The following MINK1 variants were observed in gnomAD, a reference collection of about 807,000 sequenced individuals.
The protein encoded by MINK1 is misshapen like kinase 1.
A neutral mutation model predicts 178.4 loss-of-function variants in MINK1; 46 were observed. The ratio of observed to expected loss-of-function variants is 0.26; its 90% CI spans 0.20 to 0.33. The LOEUF (loss-of-function observed/expected upper bound fraction) is 0.33. MINK1 is among the 10% of genes least tolerant of loss of function. The pLI is 1.00. For missense variants in MINK1, 1,366 were observed against 1,814.9 expected (o/e 0.75, Z 4.49); for synonymous variants, 797 against 709.7 (o/e 1.12, Z -1.96).
chr17:4,886,878 T>G lies in MINK1; in HGVS notation c.950-232T>G, dbSNP rs577357227. On this transcript the variant is annotated intron_variant, in intron 10 of 31. Coordinates refer to ENST00000355280, the MANE Select transcript of MINK1 (RefSeq NM_153827.5). The surrounding 1 kb of genome is among the most constrained non-coding windows in gnomAD (Gnocchi z 6.1). ...AAAAACTCCATGCTAAGCACATGTG[T>G]GTGCGAGCACAAGCACAGGCTCTGC... Among the ~76,000 whole-genome samples the G allele has an allele frequency of 1.3e-5, 2 of 152,358 alleles. No homozygotes were observed. Among genetic ancestry groups the G allele is most frequent in the East Asian group, 3.9e-4 (2 of 5,184 alleles).
rs1968147731 is a variant in MINK1, at chr17:4,885,797, G to C, written c.640-114G>C. 7.1e-7 allele frequency: 1 copy of C among 1,417,468 alleles called. No individual in the cohort carries two copies. The highest frequency in any genetic ancestry group is 1.4e-5 in the African/African-American group (1 of 70,980). The allele number at this position is 1,417,468 out of a possible 1,614,324, so 87.8% of individuals were successfully genotyped here. A position where few individuals can be genotyped will look rare whatever the true frequency, so the allele number is the denominator to read the frequency against. On this transcript the variant is annotated intron_variant, in intron 7 of 31. Coordinates refer to ENST00000355280, the MANE Select transcript of MINK1 (RefSeq NM_153827.5). This position sits in a 1 kb window ranked among gnomAD's most constrained non-coding sequence, Gnocchi z 5.0. ...ATGGGATGGGTTGGAAGGCACTGCTGCAGGAATGGGTGTGGCCCAGGAAGG... is the reference window on the plus strand; with the variant it reads ...ATGGGATGGGTTGGAAGGCACTGCTCCAGGAATGGGTGTGGCCCAGGAAGG...
chr17:4,881,230 C>G lies in MINK1; in HGVS notation c.279C>G (p.Ser93Arg). 4 of 1,537,100 alleles carry G rather than the reference C, an allele frequency of 2.6e-6. No individual in the cohort carries two copies. Among genetic ancestry groups the G allele is most frequent in the Non-Finnish European group, 3.5e-6 (4 of 1,146,802 alleles). Residue 93 changes from serine (S) to arginine (R), a missense_variant, in exon 4 of 32, where the codon AGC (serine) becomes AGG (arginine). By Grantham distance (110) the Ser-to-Arg change is moderately radical. Transcript: ENST00000355280. ...ACTACGGAGCCTTCATCAAGAAGAG[C>G]CCCCCGGGAAACGATGACCAGCTCT... Reference protein sequence around the residue: ...ATYYGAFIKKSPPGNDDQLWL... With the variant: ...ATYYGAFIKKRPPGNDDQLWL...
chr17:4,895,236 C>T lies in MINK1; in HGVS notation c.3079C>T (p.Leu1027Phe), dbSNP rs769365658. 6.2e-7 allele frequency: 1 copy of T among 1,614,122 alleles called. No homozygotes were observed. The highest frequency in any genetic ancestry group is 1.7e-5 in the Admixed American group (1 of 60,010). Residue 1027 changes from leucine to phenylalanine, a missense_variant, in exon 25 of 32, where the codon CTT (leucine) becomes TTT (phenylalanine). Coordinates refer to ENST00000355280, the MANE Select transcript of MINK1 (RefSeq NM_153827.5). This position sits in a 1 kb window ranked among gnomAD's most constrained non-coding sequence, Gnocchi z 4.3. ...RFNSEILCAA[L>F]WGVNLLVGTE... ...CAACTCCGAGATCCTCTGTGCAGCC[C>T]TTTGGGGTAAGCCAGGGCAGGGACA...
rs1226890356 is a variant in MINK1 at position 4,895,891 on chromosome 17, C to CG, written c.3364+59_3364+60insG. 3 of 1,590,852 alleles carry CG rather than the reference C, an allele frequency of 1.9e-6. No individual in the cohort carries two copies. Among genetic ancestry groups the CG allele is most frequent in the Non-Finnish European group, 2.6e-6 (3 of 1,167,112 alleles). ...CTTGTTCATGAAGAGAGAAATGGATCTGGGAGCCAGGGACTTGGGGCCTGG... is the reference window on the plus strand; with the variant it reads ...CTTGTTCATGAAGAGAGAAATGGATCGTGGGAGCCAGGGACTTGGGGCCTGG... On this transcript the variant is annotated intron_variant, in intron 27 of 31. Coordinates refer to ENST00000355280, the MANE Select transcript of MINK1 (RefSeq NM_153827.5). This position sits in a 1 kb window ranked among gnomAD's most constrained non-coding sequence, Gnocchi z 4.3.
chr17:4,834,488 G>A (rs1285461054), intron 1 of MINK1, among the ~76,000 whole-genome samples: 1 of 152,216 alleles, frequency 6.6e-6, no homozygotes, highest in Non-Finnish European at 1.5e-5. Context: ...AAGCAATGGA[G>A]ACCTCTCAAG....
chr17:4,887,515 C>A lies in MINK1; in HGVS notation c.1020-65C>A. The A allele has an allele frequency of 7.1e-7, 1 of 1,399,364 alleles. No individual in the cohort carries two copies. Among genetic ancestry groups the A allele is most frequent in the African/African-American group, 1.5e-5 (1 of 68,648 alleles). The allele number at this position is 1,399,364 out of a possible 1,614,324, so 86.7% of individuals were successfully genotyped here. On this transcript the variant is annotated intron_variant, in intron 11 of 31. Coordinates refer to ENST00000355280, the MANE Select transcript of MINK1 (RefSeq NM_153827.5). This position sits in a 1 kb window ranked among gnomAD's most constrained non-coding sequence, Gnocchi z 7.6. ...TAAAGCACCCACTCAGGCGGGCCCACGGGGTTGAGAGTGGGAACCAACAGG... is the reference window on the plus strand; with the variant it reads ...TAAAGCACCCACTCAGGCGGGCCCAAGGGGTTGAGAGTGGGAACCAACAGG...
chr17:4,891,226 C>CACACA, intron 15 of MINK1, 102 bp downstream of exon 15: 1 of 848,260 alleles, frequency 1.2e-6, no homozygotes, highest in African/African-American at 2.0e-5. Context: ...ACACACACAC[C>CACACA]TGCTCAGCCG....
In MINK1 at chr17:4,887,062, C is replaced by T. The variant is rs1192238800; in HGVS notation, c.950-48C>T. The T allele has an allele frequency of 2.3e-5, 36 of 1,541,396 alleles. No individual in the cohort carries two copies. Among genetic ancestry groups the T allele is most frequent in the Admixed American group, 9.8e-5 (5 of 51,208 alleles). ...CACCCAAGGTTTCCCTAGCCCACGG[C>T]GGGTCTGGGGCGCTGGGTGAGATAA... On this transcript the variant is annotated intron_variant, in intron 10 of 31. Transcript: ENST00000355280. This position sits in a 1 kb window ranked among gnomAD's most constrained non-coding sequence, Gnocchi z 7.6.
chr17:4,893,266 T>C (rs1254728148), intron 20 of MINK1, 168 bp from the exon 21 acceptor site: 10 of 1,613,360 alleles, frequency 6.2e-6, no homozygotes, highest in Admixed American at 1.7e-5. Flanking sequence ...GGCTCTTTCT[T>C]CCCCTGCGGC....
intron 1 of MINK1, among the ~76,000 whole-genome samples, chr17:4,843,446 C>G (rs892398513): frequency 1.3e-5 from 2 of 151,418 alleles, no homozygotes; most frequent in Admixed American, 6.6e-5. Flanking sequence ...TCACTGCACT[C>G]CAGCCTGGGC....
intron 1 of MINK1, among the ~76,000 whole-genome samples, chr17:4,845,912 G>C (rs995204920): frequency 6.6e-6 from 1 of 152,256 alleles, no homozygotes; most frequent in African/African-American, 2.4e-5. Flanking sequence ...AAAGTGCTGA[G>C]ATTGCAGGCG....
At chr17:4,865,876 CAG>C (rs1914887727) in intron 1 of MINK1, among the ~76,000 whole-genome samples, 1 of 150,642 alleles carries the variant, frequency 6.6e-6, no homozygotes, top group South Asian at 2.1e-4. Context: ...GCCTAGGTGA[CAG>C]AGTGAGAACC....
rs764333764 is a variant in MINK1, at chr17:4,895,859, G to T, written c.3364+27G>T. ...TGAGGATGTCCCAACAGAGTGGCCAGCGCATACTTGTTCATGAAGAGAGAA... is the reference window on the plus strand; with the variant it reads ...TGAGGATGTCCCAACAGAGTGGCCATCGCATACTTGTTCATGAAGAGAGAA... On this transcript the variant is annotated intron_variant, in intron 27 of 31. Transcript: ENST00000355280. The surrounding 1 kb of genome is among the most constrained non-coding windows in gnomAD (Gnocchi z 4.3). The T allele has an allele frequency of 6.2e-7, 1 of 1,608,722 alleles. No homozygotes were observed. Among genetic ancestry groups the T allele is most frequent in the Non-Finnish European group, 8.5e-7 (1 of 1,176,636 alleles).
intron 1 of MINK1, among the ~76,000 whole-genome samples, chr17:4,847,823 T>C (rs937336716): frequency 1.3e-5 from 2 of 152,004 alleles, no homozygotes; most frequent in East Asian, 1.9e-4. Context: ...TTGGGCGCAG[T>C]GTTGGAGTGT....
In MINK1 at chr17:4,893,015, C is replaced by A; in HGVS notation, c.2348C>A (p.Pro783His). 6.3e-7 allele frequency: 1 copy of A among 1,580,622 alleles called. No individual in the cohort carries two copies. Among genetic ancestry groups the A allele is most frequent in the East Asian group, 2.4e-5 (1 of 42,164 alleles). ...CCGGACAGCTCCCCTGTGCTCTCCC[C>A]TGGGAATAAAGCCAAGCCCGACGAC... Reference protein sequence around the residue: ...SKPDSSPVLSPGNKAKPDDHR... With the variant: ...SKPDSSPVLSHGNKAKPDDHR... Residue 783 changes from proline (P) to histidine (H), a missense_variant, in exon 20 of 32, where the codon CCT (proline) becomes CAT (histidine). Physicochemically the swap from Pro to His is moderately conservative, Grantham distance 77. Coordinates refer to ENST00000355280, the MANE Select transcript of MINK1 (RefSeq NM_153827.5).
At chr17:4,892,554 T>C (rs1201363017) in intron 18 of MINK1, 42 bp downstream of exon 18, 2 of 1,539,310 alleles carry the variant, frequency 1.3e-6, no homozygotes, top group Non-Finnish European at 1.8e-6. Context: ...CTCTCACTTC[T>C]GCCACCCGCT....
intron 1 of MINK1, among the ~76,000 whole-genome samples, chr17:4,869,577 A>AT (rs1429722584): frequency 2.0e-5 from 3 of 151,612 alleles, no homozygotes; most frequent in Non-Finnish European, 4.4e-5. Context: ...GTACCTGACG[A>AT]TTTTTTCTCT....
chr17:4,896,615 A>C lies in MINK1; in HGVS notation c.3775+27A>C, dbSNP rs765081830. 1.1e-5 allele frequency: 18 copies of C among 1,612,806 alleles called. No homozygotes were observed. The highest frequency in any genetic ancestry group is 1.3e-5 in the African/African-American group (1 of 74,902). On this transcript the variant is annotated intron_variant, in intron 30 of 31. Transcript: ENST00000355280. The surrounding 1 kb of genome is among the most constrained non-coding windows in gnomAD (Gnocchi z 4.6). ...TGAGTGAGCTGCCGCCCTCCCAGCC[A>C]CATGCCCCGAGGTGGCCCCGGGGTG...
chr17:4,873,649 C>A (rs1386984259), intron 1 of MINK1, among the ~76,000 whole-genome samples: 1 of 133,434 alleles, frequency 7.5e-6, no homozygotes, highest in Non-Finnish European at 1.6e-5. Flanking sequence ...GAAGGCGTCT[C>A]ACTCTTTCAC....
Sources: gnomAD v4.1 joint callset for allele counts (sites outside exome capture counted in the v4.1 genomes callset) on GRCh38, gnomAD v4.1.1 for gene constraint, Gnocchi (gnomAD v3.1) non-coding constraint, MANE v1.5 for transcripts, NCBI Gene and HGNC (gene_info 2026-07-23, HGNC 2026-07-21) for gene names.